The following NAV2 variants were observed in gnomAD, a reference collection of about 807,000 sequenced individuals.
The protein encoded by NAV2 is helicase, APC down-regulated 1.
In NAV2, 54 loss-of-function variants were observed where a neutral mutation model predicts 223.2. The ratio of observed to expected loss-of-function variants is 0.24; its 90% CI spans 0.19 to 0.30. The LOEUF (loss-of-function observed/expected upper bound fraction) is 0.30. Among genes scored for constraint, NAV2 ranks in the 10% least tolerant of loss-of-function variants. The pLI, the probability that NAV2 is intolerant of heterozygous loss-of-function variation, is 1.00. For missense variants in NAV2, 2,806 were observed against 3,147.5 expected, an observed-to-expected ratio of 0.89 and a Z score of 2.60; for synonymous variants, 1,279 against 1,239.3, an observed-to-expected ratio of 1.03 and a Z score of -0.67.
chr11:19,375,574 A>G (rs1031134389), intron 1 of NAV2, among the ~76,000 whole-genome samples: 1 of 152,204 alleles, frequency 6.6e-6, no homozygotes, highest in African/African-American at 2.4e-5. Context: ...AGAGAAATCC[A>G]TCAAGCCAGT....
Position 19,892,561 on chromosome 11 carries a change from TC to T in NAV2, c.902del (p.Pro301HisfsTer23). On this transcript the variant is annotated frameshift_variant, in exon 6 of 38. Coordinates refer to ENST00000349880, the MANE Select transcript of NAV2 (RefSeq NM_145117.5). LOFTEE classifies it high-confidence loss of function. ...NNYDKSKPVT[S>X]PPPPPSSHEK... ...CTATGATAAATCCAAACCAGTCACC[TC>T]CCCACCCCCACCGCCAAGCAGCCAC... 6.2e-7 allele frequency: 1 copy of T among 1,613,842 alleles called. No homozygotes were observed. Among genetic ancestry groups the T allele is most frequent in the Non-Finnish European group, 8.5e-7 (1 of 1,179,918 alleles).
intron 3 of NAV2, among the ~76,000 whole-genome samples, chr11:19,863,792 C>A (rs2625323): frequency 0.88 from 133,439 of 152,258 alleles, 58,602 homozygotes; most frequent in East Asian, 1. Flanking sequence ...TCCCTGCGTT[C>A]GACTGTAGGT....
At chr11:19,619,922 TA>T (rs1445856872) in intron 1 of NAV2, among the ~76,000 whole-genome samples, 3 of 152,248 alleles carry the variant, frequency 2.0e-5, no homozygotes, top group African/African-American at 7.2e-5. Flanking sequence ...TAATCCATCT[TA>T]AATTAATTTT....
intron 1 of NAV2, among the ~76,000 whole-genome samples, chr11:19,547,684 G>A (rs564118194): frequency 6.6e-6 from 1 of 152,062 alleles, no homozygotes; most frequent in Non-Finnish European, 1.5e-5. Flanking sequence ...GAGAGCCCGG[G>A]GGACAAGTAG....
At chr11:19,537,843 T>G (rs923886685) in intron 1 of NAV2, among the ~76,000 whole-genome samples, 1 of 152,220 alleles carries the variant, frequency 6.6e-6, no homozygotes, top group Non-Finnish European at 1.5e-5. Context: ...TCAGTTTGTT[T>G]ATCAGTAAAA....
chr11:19,883,776 T>C (rs1207879243), intron 5 of NAV2, among the ~76,000 whole-genome samples: 2 of 152,140 alleles, frequency 1.3e-5, no homozygotes, highest in African/African-American at 4.8e-5. Flanking sequence ...ATTTAGTGAG[T>C]TTAACAAGCA....
chr11:19,777,329 C>A (rs1451405036), intron 1 of NAV2: 1 of 243,554 alleles, frequency 4.1e-6, no homozygotes, highest in Non-Finnish European at 7.9e-6. Flanking sequence ...GCCGGGGATG[C>A]CTGGAGGGGC....
At chr11:19,668,320 C>T (rs1246330931) in intron 1 of NAV2, among the ~76,000 whole-genome samples, 2 of 152,010 alleles carry the variant, frequency 1.3e-5, no homozygotes, top group African/African-American at 2.4e-5. Flanking sequence ...GGTGGATCAC[C>T]TGAGGTCAGG....
At chr11:19,644,852 A>G (rs1565132597) in intron 1 of NAV2, among the ~76,000 whole-genome samples, 1 of 152,282 alleles carries the variant, frequency 6.6e-6, no homozygotes, top group East Asian at 1.9e-4. Context: ...AGTTTATGGC[A>G]TTATCTGTAG....
chr11:19,519,145 A>G (rs1025696704), intron 1 of NAV2, among the ~76,000 whole-genome samples: 6 of 151,928 alleles, frequency 3.9e-5, no homozygotes, highest in African/African-American at 1.2e-4. Flanking sequence ...ATTAACAACA[A>G]TAATAATAAT....
chr11:20,027,398 CG>C (rs10710883), intron 11 of NAV2: 171,418 of 985,130 alleles, frequency 0.17, 15,438 homozygotes, highest in Middle Eastern at 0.26. Flanking sequence ...AGCTGTCTGG[CG>C]GGGGGCATGG....
At chr11:19,959,146 T>C (rs1754326005) in intron 10 of NAV2, among the ~76,000 whole-genome samples, 3 of 152,114 alleles carry the variant, frequency 2.0e-5, no homozygotes, top group South Asian at 4.2e-4. Context: ...TCTTGCATGT[T>C]AGCACCCACC....
intron 1 of NAV2, among the ~76,000 whole-genome samples, chr11:19,439,137 T>C (rs1851312275): frequency 6.6e-6 from 1 of 152,136 alleles, no homozygotes; most frequent in Admixed American, 6.5e-5. Context: ...GGAAGGGGCT[T>C]GTATGAATAG....
intron 1 of NAV2, among the ~76,000 whole-genome samples, chr11:19,425,261 GA>G (rs760927365): frequency 4.6e-5 from 7 of 152,222 alleles, no homozygotes; most frequent in Non-Finnish European, 1.0e-4. Context: ...CAGAAGGAAA[GA>G]AATGTTATTC....
chr11:19,458,107 C>A (rs1303005434), intron 1 of NAV2, among the ~76,000 whole-genome samples: 1 of 152,202 alleles, frequency 6.6e-6, no homozygotes, highest in African/African-American at 2.4e-5. Context: ...CACCAGTCTG[C>A]AAGCCCAGCC....
intron 1 of NAV2, among the ~76,000 whole-genome samples, chr11:19,535,331 G>C (rs2044153553): frequency 6.6e-6 from 1 of 152,160 alleles, no homozygotes; most frequent in African/African-American, 2.4e-5. Flanking sequence ...GGCTGCAGGG[G>C]AGTAGAAGAG....
chr11:19,458,672 A>G (rs4757813), intron 1 of NAV2, among the ~76,000 whole-genome samples: 135,428 of 152,244 alleles, frequency 0.89, 60,612 homozygotes, highest in East Asian at 1. Context: ...AGTGAGAGGT[A>G]GAGTCAGGAT....
chr11:20,026,595 C>G (rs1318452529), intron 11 of NAV2, among the ~76,000 whole-genome samples: 1 of 152,198 alleles, frequency 6.6e-6, no homozygotes, highest in Non-Finnish European at 1.5e-5. Flanking sequence ...CAGGCGTGAG[C>G]CATCGTGCCT....
intron 1 of NAV2, among the ~76,000 whole-genome samples, chr11:19,512,236 G>A (rs532280806): frequency 6.6e-6 from 1 of 152,228 alleles, no homozygotes; most frequent in Admixed American, 6.5e-5. Context: ...CTGTAGGAAG[G>A]GTGGCAGTTT....
Sources: gnomAD v4.1 joint callset for allele counts (sites outside exome capture counted in the v4.1 genomes callset) on GRCh38, gnomAD v4.1.1 for gene constraint, MANE v1.5 for transcripts, NCBI Gene and HGNC (gene_info 2026-07-23, HGNC 2026-07-21) for gene names.